Variants in CADM1 observed in about 807,000 individuals in gnomAD.
CADM1 encodes TSLC-1.
Under a neutral mutation model 53.1 loss-of-function variants are expected in CADM1, and 15 were observed. The observed-to-expected ratio is 0.28, with a 90% CI of 0.19 to 0.44. The LOEUF (loss-of-function observed/expected upper bound fraction) is 0.44. Ranked by LOEUF, CADM1 falls within the 20% of genes least tolerant of loss-of-function variation. The pLI, the probability that CADM1 is intolerant of heterozygous loss-of-function variation, is 1.00. For missense variants in CADM1, 434 were observed against 611.3 expected, an observed-to-expected ratio of 0.71 and a Z score of 3.06; for synonymous variants, 281 against 243.0, an observed-to-expected ratio of 1.16 and a Z score of -1.45.
chr11:115,304,371 T>C (rs1295230475), intron 1 of CADM1, among the ~76,000 whole-genome samples: 2 of 152,046 alleles, frequency 1.3e-5, no homozygotes, highest in Non-Finnish European at 2.9e-5. Context: ...TTTACATTCC[T>C]TGCAGCAGCT....
chr11:115,423,271 A>C (rs1947805808), intron 1 of CADM1, among the ~76,000 whole-genome samples: 1 of 152,202 alleles, frequency 6.6e-6, no homozygotes, highest in African/African-American at 2.4e-5. Context: ...AAACCACAGT[A>C]ATTTTGTTAT....
In CADM1 at chr11:115,203,536, T is replaced by G. The variant is rs979180685; in HGVS notation, c.1079-5098A>C. On this transcript the variant is annotated intron_variant, in intron 8 of 11. Transcript: ENST00000331581. ...TTATTTTTCACTACCAAGATAGCTG[T>G]AAACATCACTTTTTAATTCTGGGAA... is the stretch of plus-strand genomic sequence containing the variant. 2.8e-4 allele frequency among the ~76,000 whole-genome samples: 43 copies of G among 152,306 alleles called. 1 individual carries two copies. The highest frequency in any genetic ancestry group is 1.0e-3 in the African/African-American group (42 of 41,572).
intron 1 of CADM1, among the ~76,000 whole-genome samples, chr11:115,301,079 C>G (rs1486772176): frequency 6.6e-6 from 1 of 152,016 alleles, no homozygotes; most frequent in East Asian, 1.9e-4. Context: ...GCAGGAGAAT[C>G]CCTAGTCTAA....
At chr11:115,394,695 G>A (rs1210629157) in intron 1 of CADM1, among the ~76,000 whole-genome samples, 2 of 152,114 alleles carry the variant, frequency 1.3e-5, no homozygotes, top group African/African-American at 2.4e-5. Context: ...TGCATAGTGT[G>A]GAACCCAATG....
intron 1 of CADM1, among the ~76,000 whole-genome samples, chr11:115,473,745 A>C (rs552555773): frequency 6.6e-6 from 1 of 152,206 alleles, no homozygotes; most frequent in Non-Finnish European, 1.5e-5. Flanking sequence ...TTTAGGAAAA[A>C]AAACAAGACA....
At chr11:115,243,464 T>A (rs184464797) in intron 1 of CADM1, among the ~76,000 whole-genome samples, 49 of 152,300 alleles carry the variant, frequency 3.2e-4, no homozygotes, top group Non-Finnish European at 6.3e-4. Context: ...ATGGGTCAGC[T>A]GGACGGCAGT....
Position 115,174,268 on chromosome 11 carries a change from T to C in CADM1, c.*2206A>G, listed in dbSNP as rs1036385505. The C allele has an allele frequency of 4.9e-6, 2 of 409,434 alleles. No individual in the cohort carries two copies. The highest frequency in any genetic ancestry group is 4.4e-5 in the African/African-American group (1 of 22,816). The allele number at this position is 409,434 out of a possible 1,614,324, so 25.4% of individuals were successfully genotyped here. A position where few individuals can be genotyped will look rare whatever the true frequency, so the allele number is the denominator to read the frequency against. ...CCAATTCTGTGAGCAATGGTGTGAT[T>C]TTTTTTTTTTGTTTTTGTTTTTGTT... On this transcript the variant is annotated 3_prime_UTR_variant, in exon 12 of 12. Coordinates refer to ENST00000331581, the MANE Select transcript of CADM1 (RefSeq NM_001301043.2).
At chr11:115,374,676 T>A (rs77132937) in intron 1 of CADM1, among the ~76,000 whole-genome samples, 369 of 152,250 alleles carry the variant, frequency 2.4e-3, no homozygotes, top group African/African-American at 8.3e-3. Context: ...AAAGTAAGCC[T>A]GAATCTCATA....
At chr11:115,498,478 T>C (rs1003574434) in intron 1 of CADM1, among the ~76,000 whole-genome samples, 3 of 152,212 alleles carry the variant, frequency 2.0e-5, no homozygotes, top group Non-Finnish European at 2.9e-5. Flanking sequence ...CAATTGGAAA[T>C]GGCCAGTCTC....
chr11:115,434,871 T>TG (rs1420989435), intron 1 of CADM1, among the ~76,000 whole-genome samples: 2 of 147,400 alleles, frequency 1.4e-5, no homozygotes, highest in East Asian at 3.9e-4. Context: ...TTATTTTTTT[T>TG]TTTTTTTGAG....
intron 1 of CADM1, among the ~76,000 whole-genome samples, chr11:115,458,696 A>C (rs1255916817): frequency 6.6e-6 from 1 of 151,936 alleles, no homozygotes; most frequent in Non-Finnish European, 1.5e-5. Flanking sequence ...ATACCTCTTC[A>C]GGAATACCAC....
chr11:115,216,643 G>A (rs1237493155), intron 6 of CADM1, among the ~76,000 whole-genome samples: 2 of 152,132 alleles, frequency 1.3e-5, no homozygotes, highest in African/African-American at 4.8e-5. Context: ...AAACACCAGA[G>A]GGAAAGTGAA....
At chr11:115,250,092 A>T (rs554121870) in intron 1 of CADM1, among the ~76,000 whole-genome samples, 4 of 152,070 alleles carry the variant, frequency 2.6e-5, no homozygotes, top group Non-Finnish European at 5.9e-5. Flanking sequence ...TTTAGTAGAG[A>T]TGAGGTTTCA....
chr11:115,274,747 T>A (rs997129053), intron 1 of CADM1, among the ~76,000 whole-genome samples: 1 of 152,196 alleles, frequency 6.6e-6, no homozygotes, highest in Admixed American at 6.5e-5. Flanking sequence ...ACAGGCTGGA[T>A]GCTTTAGATA....
intron 5 of CADM1, among the ~76,000 whole-genome samples, chr11:115,228,251 G>A (rs1330580328): frequency 6.6e-6 from 1 of 152,208 alleles, no homozygotes; most frequent in Non-Finnish European, 1.5e-5. Flanking sequence ...CTAAAGCGTT[G>A]TAAGGAAAGA....
chr11:115,394,989 T>C (rs1254890356), intron 1 of CADM1, among the ~76,000 whole-genome samples: 1 of 152,172 alleles, frequency 6.6e-6, no homozygotes, highest in Non-Finnish European at 1.5e-5. Flanking sequence ...AGACTTGGCA[T>C]AAAGTAGGAA....
chr11:115,242,659 C>T (rs988513474), intron 1 of CADM1, among the ~76,000 whole-genome samples: 1 of 152,092 alleles, frequency 6.6e-6, no homozygotes, highest in African/African-American at 2.4e-5. Flanking sequence ...ACAAGAATAC[C>T]AAACACGGTC....
intron 8 of CADM1, among the ~76,000 whole-genome samples, chr11:115,201,078 A>T (rs1221530675): frequency 6.6e-6 from 1 of 152,170 alleles, no homozygotes; most frequent in Non-Finnish European, 1.5e-5. Flanking sequence ...ACTGCACCCA[A>T]AAGGGGAGGA....
At chr11:115,284,523 A>C (rs912507346) in intron 1 of CADM1, among the ~76,000 whole-genome samples, 10 of 151,454 alleles carry the variant, frequency 6.6e-5, no homozygotes, top group African/African-American at 1.9e-4. Context: ...AAAAAAAAAA[A>C]CAGAAAGGAA....
Sources: allele counts gnomAD v4.1 joint callset (sites outside exome capture counted in the v4.1 genomes callset), GRCh38; gene constraint gnomAD v4.1.1; transcripts MANE v1.5; gene names NCBI Gene and HGNC (gene_info 2026-07-23, HGNC 2026-07-21).